Variants in ANKRD11 observed in about 807,000 individuals in gnomAD.
ANKRD11 encodes the protein ankyrin repeat domain 11.
A neutral mutation model predicts 195.7 loss-of-function variants in ANKRD11; 17 were observed. The ratio of observed to expected loss-of-function variants is 0.09; its 90% CI spans 0.06 to 0.13. The LOEUF (loss-of-function observed/expected upper bound fraction) is 0.13. ANKRD11 is among the 10% of genes least tolerant of loss of function. The pLI is 1.00. For missense variants in ANKRD11, 3,735 were observed against 3,566.1 expected (o/e 1.05, Z -1.21); for synonymous variants, 1,953 against 1,528.1 (o/e 1.28, Z -6.49).
At chr16:89,470,957 C>A (rs1567851278) in intron 1 of ANKRD11, among the ~76,000 whole-genome samples, 1 of 152,106 alleles carries the variant, frequency 6.6e-6, no homozygotes, top group Admixed American at 6.5e-5. Flanking sequence ...CATGCCACTG[C>A]ACTCCAGCCT....
chr16:89,270,477 C>A (rs2033046130), intron 12 of ANKRD11: 10 of 399,874 alleles, frequency 2.5e-5, no homozygotes, highest in South Asian at 2.1e-4. Flanking sequence ...CTGGCCAGCA[C>A]TTCCAGAGCA....
At chr16:89,295,042 T>G (rs370433471) in intron 4 of ANKRD11, among the ~76,000 whole-genome samples, 1 of 152,348 alleles carries the variant, frequency 6.6e-6, no homozygotes, top group Non-Finnish European at 1.5e-5. Flanking sequence ...GAATTCCAAA[T>G]GGTATTCACC....
At chr16:89,307,741 T>C (rs572581587) in intron 3 of ANKRD11, among the ~76,000 whole-genome samples, 200 of 152,346 alleles carry the variant, frequency 1.3e-3, no homozygotes, top group African/African-American at 4.4e-3. Flanking sequence ...TGGAATGAGA[T>C]AGGCATCTTC....
At chr16:89,440,757 G>T (rs532616286) in intron 1 of ANKRD11, among the ~76,000 whole-genome samples, 1 of 152,314 alleles carries the variant, frequency 6.6e-6, no homozygotes, top group South Asian at 2.1e-4. Context: ...GCACCACCCA[G>T]CAAGGGGCTA....
chr16:89,398,887 C>A (rs2041577268), intron 2 of ANKRD11, among the ~76,000 whole-genome samples: 1 of 152,198 alleles, frequency 6.6e-6, no homozygotes, highest in African/African-American at 2.4e-5. Context: ...GCACATGGCT[C>A]AGCTGGCTGT....
chr16:89,431,673 A>G (rs2042984319), intron 1 of ANKRD11, among the ~76,000 whole-genome samples: 1 of 152,106 alleles, frequency 6.6e-6, no homozygotes, highest in Non-Finnish European at 1.5e-5. Context: ...GTCTTCAGCC[A>G]CTGCAGGGGC....
At chr16:89,270,300 G>T (rs2151671976) in intron 12 of ANKRD11, 1 of 212,558 alleles carries the variant, frequency 4.7e-6, no homozygotes, top group Non-Finnish European at 9.6e-6. Context: ...GGCCTGGCTG[G>T]TGACTGTACA....
chr16:89,455,365 T>C (rs967064978), intron 1 of ANKRD11, among the ~76,000 whole-genome samples: 5 of 152,010 alleles, frequency 3.3e-5, no homozygotes, highest in African/African-American at 1.2e-4. Context: ...CCTCATGCTA[T>C]CTCCCCTTAA....
intron 2 of ANKRD11, among the ~76,000 whole-genome samples, chr16:89,399,400 C>A (rs1363115946): frequency 1.3e-5 from 2 of 152,130 alleles, no homozygotes; most frequent in Non-Finnish European, 2.9e-5. Flanking sequence ...GTGAAAGCAG[C>A]CCGTCTCCAA....
At chr16:89,417,353 A>C (rs1013799087) in intron 2 of ANKRD11, among the ~76,000 whole-genome samples, 12 of 152,218 alleles carry the variant, frequency 7.9e-5, no homozygotes, top group Admixed American at 2.6e-4. Flanking sequence ...AAAATATGAA[A>C]ATTTAATTTA....
chr16:89,457,928 G>A (rs151132301), intron 1 of ANKRD11, among the ~76,000 whole-genome samples: 1 of 152,276 alleles, frequency 6.6e-6, no homozygotes, highest in East Asian at 1.9e-4. Flanking sequence ...GTCAGATTCA[G>A]ACCCAGACCC....
Position 89,291,257 on chromosome 16 carries a change from A to G in ANKRD11, c.227-74T>C. 1 of 1,567,654 alleles carries G rather than the reference A, an allele frequency of 6.4e-7. No homozygotes were observed. Among genetic ancestry groups the G allele is most frequent in the Non-Finnish European group, 8.7e-7 (1 of 1,151,642 alleles). On this transcript the variant is annotated intron_variant, in intron 4 of 12. Transcript: ENST00000301030. This position sits in a 1 kb window ranked among gnomAD's most constrained non-coding sequence, Gnocchi z 5.3. ...GTCCTCCAAAGCTAGGTCCTTACCT[A>G]ATGTTACGGAGCCCCCTGCGTCCAC... is the stretch of plus-strand genomic sequence containing the variant.
chr16:89,312,972 T>TG (rs1048291793), intron 3 of ANKRD11, among the ~76,000 whole-genome samples: 82 of 152,248 alleles, frequency 5.4e-4, no homozygotes, highest in East Asian at 9.7e-4. Flanking sequence ...TGGCACAGAC[T>TG]GGGGGGGTTT....
At position 89,280,899 on chromosome 16, in the gene ANKRD11, G is replaced by T; in HGVS notation, c.5643C>A (p.Gly1881=). ...AVVTVTPSPE[G]VFSSLQAKPS... is the part of the protein sequence containing the mutation. ...GTTTTGCTTGTAAACTTGAGAAGACGCCCTCTGGAGACGGGGTGACAGTGA... is the reference window on the plus strand; with the variant it reads ...GTTTTGCTTGTAAACTTGAGAAGACTCCCTCTGGAGACGGGGTGACAGTGA... Residue 1881 remains glycine, a synonymous_variant, in exon 9 of 13, where the codon GGC becomes GGA. Coordinates refer to ENST00000301030, the MANE Select transcript of ANKRD11 (RefSeq NM_013275.6). 10 of 1,602,808 alleles carry T rather than the reference G, an allele frequency of 6.2e-6. No individual in the cohort carries two copies. The highest frequency in any genetic ancestry group is 8.5e-6 in the Non-Finnish European group (10 of 1,172,154).
At chr16:89,289,323 A>G (rs145826422) in intron 6 of ANKRD11, among the ~76,000 whole-genome samples, 54 of 152,324 alleles carry the variant, frequency 3.5e-4, no homozygotes, top group Non-Finnish European at 7.2e-4. Flanking sequence ...TGGGTCAGAC[A>G]GCTATAAACC....
At chr16:89,355,069 A>C (rs1483328366) in intron 2 of ANKRD11, among the ~76,000 whole-genome samples, 1 of 152,198 alleles carries the variant, frequency 6.6e-6, no homozygotes, top group African/African-American at 2.4e-5. Context: ...TTCATCTAAA[A>C]ACATCAGAAA....
Position 89,291,319 on chromosome 16 carries a change from T to C in ANKRD11, c.227-136A>G, listed in dbSNP as rs1404652173. On this transcript the variant is annotated intron_variant, in intron 4 of 12. Coordinates refer to ENST00000301030, the MANE Select transcript of ANKRD11 (RefSeq NM_013275.6). The surrounding 1 kb of genome is among the most constrained non-coding windows in gnomAD (Gnocchi z 5.3). ...CAGAGCAGAAAGGAAGGTCTGTGTA[T>C]GGGGAAAGCACAGCGGTGCTGGGAG... 5.3e-6 allele frequency: 6 copies of C among 1,140,452 alleles called. No individual in the cohort carries two copies. In the Middle Eastern group the frequency reaches 6.3e-4, roughly 120 times the overall value. The allele number at this position is 1,140,452 out of a possible 1,614,324, so 70.6% of individuals were successfully genotyped here. A position where few individuals can be genotyped will look rare whatever the true frequency, so the allele number is the denominator to read the frequency against.
intron 4 of ANKRD11, among the ~76,000 whole-genome samples, chr16:89,297,094 C>A (rs1168916484): frequency 6.6e-6 from 1 of 151,778 alleles, no homozygotes; most frequent in Non-Finnish European, 1.5e-5. Flanking sequence ...GGCAGAGACC[C>A]TGAGGTTGGG....
chr16:89,457,893 G>C (rs551444935), intron 1 of ANKRD11, among the ~76,000 whole-genome samples: 1 of 152,070 alleles, frequency 6.6e-6, no homozygotes. Flanking sequence ...GAGCTGAATG[G>C]AGCCACGCGA....
Sources: allele counts gnomAD v4.1 joint callset (sites outside exome capture counted in the v4.1 genomes callset), GRCh38; gene constraint gnomAD v4.1.1; non-coding constraint Gnocchi (gnomAD v3.1); transcripts MANE v1.5; gene names NCBI Gene and HGNC (gene_info 2026-07-23, HGNC 2026-07-21).